PRR12: variants seen among roughly 807,000 people sequenced by gnomAD.
PRR12 encodes proline-rich protein 12.
A neutral mutation model predicts 138.0 loss-of-function variants in PRR12; 12 were observed. The ratio of observed to expected loss-of-function variants is 0.09; its 90% CI spans 0.06 to 0.14. The LOEUF (loss-of-function observed/expected upper bound fraction) is 0.14. Among genes scored for constraint, PRR12 ranks in the 10% least tolerant of loss-of-function variants. PRR12 has a pLI of 1.00. For synonymous variants in PRR12, 1,567 were observed against 1,291.7 expected (o/e 1.21, Z -4.57); for missense variants, 2,692 against 2,861.3 (o/e 0.94, Z 1.35).
rs2072689477 is a variant in PRR12, at chr19:49,625,790, C to G, written c.*183C>G. ...CCGACTCCCCCCCTCTCCCAAGCCC[C>G]CTCCACTCCCTCCCCATTCCTCCCA... On this transcript the variant is annotated 3_prime_UTR_variant, in exon 14 of 14. Transcript: ENST00000418929. The surrounding 1 kb of genome is among the most constrained non-coding windows in gnomAD (Gnocchi z 5.5). 1.7e-6 allele frequency: 1 copy of G among 575,940 alleles called. No homozygotes were observed. The highest frequency in any genetic ancestry group is 1.9e-5 in the African/African-American group (1 of 52,202). 35.7% of individuals were successfully genotyped at this position (575,940 alleles called of 1,614,324 possible). A position where few individuals can be genotyped will look rare whatever the true frequency, so the allele number is the denominator to read the frequency against.
At chr19:49,602,186 A>G (rs1279449456) in intron 6 of PRR12, among the ~76,000 whole-genome samples, 4 of 152,180 alleles carry the variant, frequency 2.6e-5, no homozygotes, top group East Asian at 3.8e-4. Context: ...CGTTACCTGT[A>G]TATAAGGTGA....
chr19:49,593,546 C>A (rs1049164705), intron 2 of PRR12, 107 bp downstream of exon 2: 13 of 612,476 alleles, frequency 2.1e-5, no homozygotes, highest in Non-Finnish European at 3.5e-5. Context: ...TGGCCCGTGC[C>A]GTGGCCCGCC....
chr19:49,594,659 C>G lies in PRR12; in HGVS notation c.362-38C>G, dbSNP rs369821986. 5 of 1,610,710 alleles carry G rather than the reference C, an allele frequency of 3.1e-6. No homozygotes were observed. The highest frequency in any genetic ancestry group is 3.3e-5 in the Admixed American group (2 of 59,928). ...CTGCAGGGCCAGGGTGGGACTGGCT[C>G]GCTGTTCTCTCTGACGCGCGGTCTT... On this transcript the variant is annotated intron_variant, in intron 3 of 13. Transcript: ENST00000418929. This position sits in a 1 kb window ranked among gnomAD's most constrained non-coding sequence, Gnocchi z 5.6.
At chr19:49,592,144 G>T (rs993883315) in intron 1 of PRR12, among the ~76,000 whole-genome samples, 2 of 151,986 alleles carry the variant, frequency 1.3e-5, no homozygotes, top group African/African-American at 4.8e-5. Context: ...ACGCAGATCT[G>T]GGGGGCGCGA....
Position 49,601,561 on chromosome 19 carries a change from G to C in PRR12, c.4416G>C (p.Pro1472=). 1 of 1,431,464 alleles carries C rather than the reference G, an allele frequency of 7.0e-7. No individual in the cohort carries two copies. Among genetic ancestry groups the C allele is most frequent in the Non-Finnish European group, 9.3e-7 (1 of 1,076,980 alleles). The allele number at this position is 1,431,464 out of a possible 1,614,324, so 88.7% of individuals were successfully genotyped here. Residue 1472 remains proline, a synonymous_variant, in exon 6 of 14, where the codon CCG becomes CCC. Coordinates refer to ENST00000418929, the MANE Select transcript of PRR12 (RefSeq NM_020719.3). ...PPAPTPQPQP[P]PPPPPPQPAL... is the part of the protein sequence containing the mutation. Reference sequence around the variant, plus strand: ...CCCCGACTCCTCAGCCTCAGCCTCCGCCACCCCCTCCGCCGCCACAGCCAG... The same window carrying C: ...CCCCGACTCCTCAGCCTCAGCCTCCCCCACCCCCTCCGCCGCCACAGCCAG...
Position 49,609,852 on chromosome 19 carries a change from G to A in PRR12, c.4774-4681G>A, listed in dbSNP as rs8113046. 9.2e-3 allele frequency among the ~76,000 whole-genome samples: 1,398 copies of A among 152,264 alleles called. 19 individuals are homozygous for A. The highest frequency in any genetic ancestry group is 0.031 in the African/African-American group (1,295 of 41,544). ...TGATGAAGACATTAGGCTCTGTGCC[G>A]TTTAGAGCCCCTGGCCAGTAGGGAA... On this transcript the variant is annotated intron_variant, in intron 6 of 13. Transcript: ENST00000418929.
intron 9 of PRR12, among the ~76,000 whole-genome samples, chr19:49,620,096 G>A (rs1599802873): frequency 2.6e-5 from 4 of 152,016 alleles, no homozygotes; most frequent in South Asian, 2.1e-4. Context: ...TAGGTGATCT[G>A]CCTCGGCCTC....
At chr19:49,598,712 C>T (rs536962844) in intron 4 of PRR12, among the ~76,000 whole-genome samples, 3 of 152,238 alleles carry the variant, frequency 2.0e-5, no homozygotes, top group South Asian at 4.1e-4. Context: ...GTCCCAGCTA[C>T]TCAAGAGGTT....
At chr19:49,605,002 C>T (rs1323167655) in intron 6 of PRR12, among the ~76,000 whole-genome samples, 2 of 152,036 alleles carry the variant, frequency 1.3e-5, no homozygotes, top group Non-Finnish European at 2.9e-5. Flanking sequence ...CAGAGGATCC[C>T]ACCATGGTTG....
At chr19:49,612,408 T>C (rs1414326560) in intron 6 of PRR12, among the ~76,000 whole-genome samples, 2 of 151,958 alleles carry the variant, frequency 1.3e-5, no homozygotes, top group Non-Finnish European at 2.9e-5. Flanking sequence ...GGCTTGGGGA[T>C]TGACTGGCCC....
Position 49,609,081 on chromosome 19 carries a change from A to C in PRR12, c.4774-5452A>C, listed in dbSNP as rs532537407. 2.6e-5 allele frequency among the ~76,000 whole-genome samples: 4 copies of C among 152,310 alleles called. No individual in the cohort carries two copies. The South Asian group carries it at 8.3e-4, about 32-fold the overall frequency. On this transcript the variant is annotated intron_variant, in intron 6 of 13. Coordinates refer to ENST00000418929, the MANE Select transcript of PRR12 (RefSeq NM_020719.3). ...GGAATCCCAGCACTTTGGGAGGCTG[A>C]GGTGGGTGAATCGCTTGCGCTCAGG...
At chr19:49,612,948 A>G (rs1012771064) in intron 6 of PRR12, among the ~76,000 whole-genome samples, 1 of 151,960 alleles carries the variant, frequency 6.6e-6, no homozygotes, top group East Asian at 1.9e-4. Flanking sequence ...GGTGTGAGCC[A>G]CTGCACTCAG....
In PRR12 at chr19:49,597,414, C is replaced by A; in HGVS notation, c.3079C>A (p.Leu1027Met). Residue 1027 changes from leucine to methionine, a missense_variant, in exon 4 of 14, where the codon CTG becomes ATG. Coordinates refer to ENST00000418929, the MANE Select transcript of PRR12 (RefSeq NM_020719.3). This position sits in a 1 kb window ranked among gnomAD's most constrained non-coding sequence, Gnocchi z 6.3. The part of the protein sequence containing the change: ...ELPSTVNAEP[L>M]GLIQSGPHQA... ...GCCCTCCACGGTCAACGCCGAGCCG[C>A]TGGGCCTGATCCAGAGTGGCCCCCA... 6.5e-7 allele frequency: 1 copy of A among 1,538,384 alleles called. No individual in the cohort carries two copies. The highest frequency in any genetic ancestry group is 8.7e-7 in the Non-Finnish European group (1 of 1,146,452).
chr19:49,592,083 C>T (rs947429692), intron 1 of PRR12, among the ~76,000 whole-genome samples: 1 of 152,044 alleles, frequency 6.6e-6, no homozygotes, highest in African/African-American at 2.4e-5. Context: ...CCCCTCCCCC[C>T]CGCGCCCCAG....
Position 49,595,645 on chromosome 19 carries a change from G to T in PRR12, c.1310G>T (p.Gly437Val). Residue 437 changes from glycine to valine, a missense_variant, in exon 4 of 14, where the codon GGG (glycine) becomes GTG (valine). This residue lies in a region of PRR12 where 523 missense variants were observed against 496.4 expected (regional missense o/e 1.05). Coordinates refer to ENST00000418929, the MANE Select transcript of PRR12 (RefSeq NM_020719.3). ...YATGKASGAG[G>V]AGGQAYSPGQ... ...ACTGGGAAGGCCTCTGGGGCTGGAG[G>T]GGCAGGGGGCCAGGCTTATTCCCCC... The T allele has an allele frequency of 6.2e-7, 1 of 1,604,720 alleles. No homozygotes were observed. The highest frequency in any genetic ancestry group is 8.5e-7 in the Non-Finnish European group (1 of 1,176,346).
Position 49,591,704 on chromosome 19 carries a change from G to C in PRR12, c.50G>C (p.Gly17Ala). The C allele has an allele frequency of 1.3e-6, 2 of 1,494,130 alleles. No homozygotes were observed. The highest frequency in any genetic ancestry group is 1.8e-6 in the Non-Finnish European group (2 of 1,118,706). 92.6% of individuals were successfully genotyped at this position (1,494,130 alleles called of 1,614,324 possible). A position where few individuals can be genotyped will look rare whatever the true frequency, so the allele number is the denominator to read the frequency against. The change falls in exon 1 of 14, where the codon GGG becomes GCG. Residue 17 changes from glycine (G) to alanine (A), a missense_variant. Gly to Ala is a moderately conservative substitution (Grantham distance 60). Coordinates refer to ENST00000418929, the MANE Select transcript of PRR12 (RefSeq NM_020719.3). ...GGCTTCGGGGACCCGCTCGGCGCCGGGGCGGGATGGAGTTACGAGAGGTCA... is the reference window on the plus strand; with the variant it reads ...GGCTTCGGGGACCCGCTCGGCGCCGCGGCGGGATGGAGTTACGAGAGGTCA... The part of the protein sequence containing the change: ...SAGFGDPLGA[G>A]AGWSYERSAK...
Position 49,594,975 on chromosome 19 carries a change from T to C in PRR12, c.640T>C (p.Leu214=), listed in dbSNP as rs554278287. The C allele has an allele frequency of 9.4e-6, 15 of 1,599,970 alleles. No homozygotes were observed. The South Asian group carries it at 1.1e-4, about 12-fold the overall frequency. ...GFERLAGGGV[L]GPAGLGPAQT... ...CGAGCGCCTGGCAGGGGGCGGTGTC[T>C]TGGGGCCAGCTGGTCTCGGTCCAGC... The change falls in exon 4 of 14, where the codon TTG becomes CTG. Residue 214 remains leucine (L), a synonymous_variant. Coordinates refer to ENST00000418929, the MANE Select transcript of PRR12 (RefSeq NM_020719.3). The surrounding 1 kb of genome is among the most constrained non-coding windows in gnomAD (Gnocchi z 5.6).
At chr19:49,602,922 C>G (rs2080819808) in intron 6 of PRR12, among the ~76,000 whole-genome samples, 2 of 152,264 alleles carry the variant, frequency 1.3e-5, no homozygotes, top group South Asian at 4.1e-4. Flanking sequence ...TTCACTGCTT[C>G]CAGTTTGTCT....
intron 2 of PRR12, among the ~76,000 whole-genome samples, chr19:49,593,742 T>C (rs2080745655): frequency 6.6e-6 from 1 of 152,172 alleles, no homozygotes; most frequent in South Asian, 2.1e-4. Context: ...CCCAATTCTT[T>C]CCCTCTGGGT....
Sources: gnomAD v4.1 joint callset for allele counts (sites outside exome capture counted in the v4.1 genomes callset) on GRCh38, gnomAD v4.1.1 for gene constraint, gnomAD v4.1.1 regional missense constraint, Gnocchi (gnomAD v3.1) non-coding constraint, MANE v1.5 for transcripts, NCBI Gene and HGNC (gene_info 2026-07-23, HGNC 2026-07-21) for gene names.